Variants in CSMD1 observed in about 807,000 individuals in gnomAD.
The protein encoded by CSMD1 is CUB and sushi domain-containing protein 1.
A neutral mutation model predicts 417.5 loss-of-function variants in CSMD1; 213 were observed. The observed-to-expected ratio is 0.51, with a 90% CI of 0.46 to 0.57. CSMD1 has a LOEUF of 0.57. Among genes scored for constraint, CSMD1 ranks in the 20% least tolerant of loss-of-function variants. The probability of loss-of-function intolerance (pLI) is 0.00; values close to 1 mark genes in which losing one functional copy is unlikely to be tolerated. For missense variants in CSMD1, 6,923 were observed against 4,529.7 expected, an observed-to-expected ratio of 1.53 and a Z score of -15.17; for synonymous variants, 2,862 against 1,736.8, an observed-to-expected ratio of 1.65 and a Z score of -16.11.
At chr8:3,995,460 G>A (rs1296460154) in intron 5 of CSMD1, among the ~76,000 whole-genome samples, 2 of 152,160 alleles carry the variant, frequency 1.3e-5, no homozygotes, top group Non-Finnish European at 2.9e-5. Context: ...AAGGCTTTAT[G>A]ATCCAGCCTG....
intron 3 of CSMD1, among the ~76,000 whole-genome samples, chr8:4,338,009 T>C (rs1298092679): frequency 1.3e-5 from 2 of 152,084 alleles, no homozygotes; most frequent in Non-Finnish European, 2.9e-5. Context: ...AATAGAGGTG[T>C]TCTGAGTGGA....
rs117324911 is a variant in CSMD1 at position 4,868,529 on chromosome 8, A to G, written c.85+125803T>C. Among the ~76,000 whole-genome samples, 3 of 152,118 alleles carry G rather than the reference A, an allele frequency of 2.0e-5. No individual in the cohort carries two copies. The East Asian group carries it at 5.8e-4, about 29-fold the overall frequency. The stretch of plus-strand genomic sequence containing the variant: ...AAAATGACAGTCGTATTATTTTCAT[A>G]TTAGTGTTAGTGGGATCATTATTGT... On this transcript the variant is annotated intron_variant, in intron 1 of 69. Transcript: ENST00000635120.
intron 25 of CSMD1, among the ~76,000 whole-genome samples, chr8:3,297,671 T>A (rs896377495): frequency 6.6e-6 from 1 of 152,170 alleles, no homozygotes; most frequent in Non-Finnish European, 1.5e-5. Flanking sequence ...GGAATAGAGA[T>A]GTAAATGTGA....
In CSMD1 at chr8:4,643,680, T is replaced by C. The variant is rs540988208; in HGVS notation, c.86-6122A>G. Among the ~76,000 whole-genome samples the C allele has an allele frequency of 2.4e-4, 37 of 152,346 alleles. No individual in the cohort carries two copies. In the South Asian group the frequency reaches 7.2e-3, roughly 30 times the overall value. On this transcript the variant is annotated intron_variant, in intron 1 of 69. Coordinates refer to ENST00000635120, the MANE Select transcript of CSMD1 (RefSeq NM_033225.6). ...TCAATGAAGGAAGTGGAAGTTTCCC[T>C]GATCAGATAAGCGCTGTTTGAAACG... is the stretch of plus-strand genomic sequence containing the variant.
At chr8:4,188,248 C>G (rs1619085) in intron 3 of CSMD1, among the ~76,000 whole-genome samples, 148,516 of 152,102 alleles carry the variant, frequency 0.98, 72,593 homozygotes, top group East Asian at 1. Flanking sequence ...CAGAAAACAG[C>G]GCACTTTTGG....
intron 40 of CSMD1, among the ~76,000 whole-genome samples, chr8:3,146,004 T>C (rs916683419): frequency 6.6e-6 from 1 of 152,236 alleles, no homozygotes; most frequent in South Asian, 2.1e-4. Context: ...AACCTGTGAA[T>C]ATTACTTCCT....
rs541781224 is a variant in CSMD1 at position 3,770,622 on chromosome 8, G to C, written c.819-16580C>G. Among the ~76,000 whole-genome samples, 6 of 152,226 alleles carry C rather than the reference G, an allele frequency of 3.9e-5. No individual in the cohort carries two copies. In the East Asian group the frequency reaches 7.7e-4, roughly 20 times the overall value. On this transcript the variant is annotated intron_variant, in intron 5 of 69. Coordinates refer to ENST00000635120, the MANE Select transcript of CSMD1 (RefSeq NM_033225.6). ...GAACGGCCATAAATGAAGGGAAGAA[G>C]GGTCTGAAAGGAAAATTGTTTTTAG...
At chr8:3,875,252 T>G (rs969649749) in intron 5 of CSMD1, among the ~76,000 whole-genome samples, 1 of 152,140 alleles carries the variant, frequency 6.6e-6, no homozygotes, top group East Asian at 1.9e-4. Flanking sequence ...ATTGAGACCA[T>G]AGCTGAGAAG....
intron 3 of CSMD1, among the ~76,000 whole-genome samples, chr8:4,128,801 C>T (rs900952742): frequency 6.6e-6 from 1 of 152,106 alleles, no homozygotes; most frequent in Non-Finnish European, 1.5e-5. Context: ...ATACTTATAT[C>T]CTAGTGCAAG....
intron 3 of CSMD1, among the ~76,000 whole-genome samples, chr8:4,196,607 G>C (rs974591418): frequency 6.6e-6 from 1 of 152,250 alleles, no homozygotes; most frequent in East Asian, 1.9e-4. Flanking sequence ...CCTTCTTTGT[G>C]AATCTTCAAG....
intron 1 of CSMD1, chr8:4,787,980 C>T: frequency 1.9e-6 from 3 of 1,594,252 alleles, no homozygotes; most frequent in Admixed American, 1.7e-5. Flanking sequence ...AGATCGAAGC[C>T]AACAGAAAGA....
chr8:4,093,407 C>A (rs1585298753), intron 3 of CSMD1, among the ~76,000 whole-genome samples: 1 of 152,076 alleles, frequency 6.6e-6, no homozygotes. Context: ...TTGTTTAAAG[C>A]CAACAGAGGT....
intron 53 of CSMD1, among the ~76,000 whole-genome samples, chr8:2,999,692 C>T (rs1260316413): frequency 2.0e-5 from 3 of 151,964 alleles, no homozygotes; most frequent in African/African-American, 7.3e-5. Context: ...ACCACTTGGC[C>T]AGGGATCCAT....
chr8:4,274,980 G>C (rs1007357062), intron 3 of CSMD1, among the ~76,000 whole-genome samples: 5 of 152,154 alleles, frequency 3.3e-5, no homozygotes, highest in Non-Finnish European at 5.9e-5. Context: ...TGAGCAGAGT[G>C]TGTGGTATAG....
chr8:4,531,403 G>C (rs560618887), intron 2 of CSMD1, among the ~76,000 whole-genome samples: 1 of 152,254 alleles, frequency 6.6e-6, no homozygotes, highest in South Asian at 2.1e-4. Flanking sequence ...AGATGATTTG[G>C]GTTTTAATCT....
At chr8:3,184,974 G>C (rs1045346722) in intron 36 of CSMD1, among the ~76,000 whole-genome samples, 1 of 152,170 alleles carries the variant, frequency 6.6e-6, no homozygotes, top group African/African-American at 2.4e-5. Flanking sequence ...TCACATCCCT[G>C]TTTTGTCCTG....
intron 1 of CSMD1, among the ~76,000 whole-genome samples, chr8:4,852,274 G>C (rs1382767562): frequency 6.6e-6 from 1 of 152,152 alleles, no homozygotes; most frequent in Non-Finnish European, 1.5e-5. Context: ...GGGCCTTGTG[G>C]GAGGTGCTGG....
chr8:3,404,713 G>A (rs1812241238), intron 15 of CSMD1, among the ~76,000 whole-genome samples: 2 of 152,122 alleles, frequency 1.3e-5, no homozygotes, highest in South Asian at 2.1e-4. Flanking sequence ...TTGGTGTGTA[G>A]CCTTTTTTTA....
chr8:4,447,966 G>A (rs1473779604), intron 2 of CSMD1, among the ~76,000 whole-genome samples: 1 of 152,170 alleles, frequency 6.6e-6, no homozygotes, highest in African/African-American at 2.4e-5. Flanking sequence ...AATGCTAATA[G>A]TACCAAAAAG....
Sources: gnomAD v4.1 joint callset for allele counts (sites outside exome capture counted in the v4.1 genomes callset) on GRCh38, gnomAD v4.1.1 for gene constraint, MANE v1.5 for transcripts, NCBI Gene and HGNC (gene_info 2026-07-23, HGNC 2026-07-21) for gene names.